FEZ1: variants seen among roughly 807,000 people sequenced by gnomAD.
The protein encoded by FEZ1 is fasciculation and elongation protein zeta 1.
A neutral mutation model predicts 49.3 loss-of-function variants in FEZ1; 20 were observed. That is an observed-to-expected ratio of 0.41 (90% CI 0.29 to 0.59). The LOEUF is 0.59. FEZ1 is among the 20% of genes least tolerant of loss of function. The pLI, the probability that FEZ1 is intolerant of heterozygous loss-of-function variation, is 0.36. For missense variants in FEZ1, 413 were observed against 476.0 expected (o/e 0.87, Z 1.23); for synonymous variants, 170 against 180.9 (o/e 0.94, Z 0.48).
At chr11:125,446,371 T>G (rs1956899196) in intron 9 of FEZ1, among the ~76,000 whole-genome samples, 1 of 152,234 alleles carries the variant, frequency 6.6e-6, no homozygotes, top group African/African-American at 2.4e-5. Context: ...TAACTTCACC[T>G]TTCCATGCTT....
At chr11:125,473,801 A>G (rs1327952460) in intron 3 of FEZ1, among the ~76,000 whole-genome samples, 3 of 147,234 alleles carry the variant, frequency 2.0e-5, no homozygotes, top group Non-Finnish European at 4.5e-5. Context: ...CCTGGGCAAC[A>G]GAGCAAGACT....
Position 125,495,294 on chromosome 11 carries a change from C to A in FEZ1, c.-46+827G>T, listed in dbSNP as rs1404086461. On this transcript the variant is annotated intron_variant, in intron 1 of 9. Coordinates refer to ENST00000278919, the MANE Select transcript of FEZ1 (RefSeq NM_005103.5). This position sits in a 1 kb window ranked among gnomAD's most constrained non-coding sequence, Gnocchi z 4.2. The stretch of plus-strand genomic sequence containing the variant: ...ACACTCCACTGCCCTTCCGGCCAAA[C>A]AAGCCCGGACACGGGAGAGGGATGA... 1 of 446,272 alleles carries A rather than the reference C, an allele frequency of 2.2e-6. No individual in the cohort carries two copies. Among genetic ancestry groups the A allele is most frequent in the Admixed American group, 2.5e-5 (1 of 40,452 alleles). 27.6% of individuals were successfully genotyped at this position (446,272 alleles called of 1,614,324 possible). A position where few individuals can be genotyped will look rare whatever the true frequency, so the allele number is the denominator to read the frequency against.
At chr11:125,459,138 A>C (rs1288317091) in intron 5 of FEZ1, among the ~76,000 whole-genome samples, 7 of 152,062 alleles carry the variant, frequency 4.6e-5, no homozygotes, top group African/African-American at 1.7e-4. Flanking sequence ...GAGGGGCCTA[A>C]CTCCCTTCCG....
At chr11:125,483,294 T>C (rs1207063433) in intron 2 of FEZ1, among the ~76,000 whole-genome samples, 1 of 152,172 alleles carries the variant, frequency 6.6e-6, no homozygotes, top group Non-Finnish European at 1.5e-5. Flanking sequence ...ATGCATATAA[T>C]TGGTGATGGA....
At chr11:125,464,263 T>A (rs1294780325) in intron 3 of FEZ1, among the ~76,000 whole-genome samples, 1 of 152,200 alleles carries the variant, frequency 6.6e-6, no homozygotes, top group African/African-American at 2.4e-5. Context: ...TTCACAGCCA[T>A]CAAAATTCTA....
intron 5 of FEZ1, among the ~76,000 whole-genome samples, chr11:125,457,403 TAAAAAA>T (rs141594971): frequency 5.4e-4 from 19 of 35,114 alleles, no homozygotes; most frequent in African/African-American, 8.0e-4. Flanking sequence ...GTTTCTACTT[TAAAAAA>T]AAAAAAAAAA....
In FEZ1 at chr11:125,481,046, GAA is replaced by G. The variant is rs201026269; in HGVS notation, c.411+486_411+487del. Among the ~76,000 whole-genome samples, 9 of 118,156 alleles carry G rather than the reference GAA, an allele frequency of 7.6e-5. 1 individual carries two copies. Among genetic ancestry groups the G allele is most frequent in the South Asian group, 5.9e-4 (2 of 3,398 alleles). 77.5% of individuals were successfully genotyped at this position (118,156 alleles called of 152,430 possible). On this transcript the variant is annotated intron_variant, in intron 3 of 9. Transcript: ENST00000278919. ...AGAGCGAGATTCCATCTCAAAAAAA[GAA>G]AAAAAAAAAAAGGAAAGTAATGGCA... is the stretch of plus-strand genomic sequence containing the variant.
intron 3 of FEZ1, among the ~76,000 whole-genome samples, chr11:125,477,772 C>T (rs1350773487): frequency 6.6e-6 from 1 of 152,068 alleles, no homozygotes; most frequent in Non-Finnish European, 1.5e-5. Context: ...GCCTGGCTCT[C>T]CCCTGGCTCC....
rs1362309995 is a variant in FEZ1, at chr11:125,476,259, A to G, written c.411+5275T>C. On this transcript the variant is annotated intron_variant, in intron 3 of 9. Transcript: ENST00000278919. ...TTGCTCACTTTAATATGTGCAGCTC[A>G]TTATATGCCAATTACCTTTCAATTA... Among the ~76,000 whole-genome samples the G allele has an allele frequency of 2.0e-5, 3 of 152,248 alleles. No individual in the cohort carries two copies. In the South Asian group the frequency reaches 6.2e-4, roughly 31 times the overall value.
intron 2 of FEZ1, among the ~76,000 whole-genome samples, chr11:125,482,144 A>T (rs1352149537): frequency 1.3e-5 from 2 of 152,200 alleles, no homozygotes; most frequent in African/African-American, 2.4e-5. Flanking sequence ...TAACCGTTTC[A>T]GTTTCAGAGG....
At chr11:125,457,429 A>AAAAAAATAT (rs1164500309) in intron 5 of FEZ1, among the ~76,000 whole-genome samples, 2 of 20,916 alleles carry the variant, frequency 9.6e-5, no homozygotes, top group Non-Finnish European at 1.6e-4. Context: ...AAAAAAAAAA[A>AAAAAAATAT]ATATATATAT....
Position 125,489,185 on chromosome 11 carries a change from AGATAGACAGACCCT to A in FEZ1, c.311+268_311+281del. The A allele has an allele frequency of 9.1e-7, 1 of 1,094,578 alleles. No homozygotes were observed. The highest frequency in any genetic ancestry group is 5.1e-5 in the Admixed American group (1 of 19,722). The allele number at this position is 1,094,578 out of a possible 1,614,324, so 67.8% of individuals were successfully genotyped here. A position where few individuals can be genotyped will look rare whatever the true frequency, so the allele number is the denominator to read the frequency against. On this transcript the variant is annotated intron_variant, in intron 2 of 9. Transcript: ENST00000278919. The surrounding 1 kb of genome is among the most constrained non-coding windows in gnomAD (Gnocchi z 4.2). ...TTTCCACTGATATAAAGAAAGCTTAAGATAGACAGACCCTGAAATTTACTGTGCTCCTGAAATTC... is the reference window on the plus strand; with the variant it reads ...TTTCCACTGATATAAAGAAAGCTTAAGAAATTTACTGTGCTCCTGAAATTC...
intron 2 of FEZ1, among the ~76,000 whole-genome samples, chr11:125,484,759 T>C (rs1758316534): frequency 6.6e-6 from 1 of 151,918 alleles, no homozygotes; most frequent in Non-Finnish European, 1.5e-5. Context: ...TGTGTTTTCA[T>C]GGATCTACAG....
Position 125,463,494 on chromosome 11 carries a change from G to A in FEZ1, c.488C>T (p.Thr163Ile). 2 of 1,593,010 alleles carry A rather than the reference G, an allele frequency of 1.3e-6. No homozygotes were observed. Among genetic ancestry groups the A allele is most frequent in the South Asian group, 2.2e-5 (2 of 90,654 alleles). Residue 163 changes from threonine (T) to isoleucine (I), a missense_variant, in exon 4 of 10, where the codon ACA becomes ATA. By Grantham distance (89) the Thr-to-Ile change is moderately conservative. Transcript: ENST00000278919. ...DSGINEEPLLTADQVIEEIEE... is the reference protein window; with the variant it reads ...DSGINEEPLLIADQVIEEIEE... Reference sequence around the variant, plus strand: ...GAGAGATACTTATACCTGATCTGCTGTGAGCAGAGGCTCCTCGTTGATACC... The same window carrying A: ...GAGAGATACTTATACCTGATCTGCTATGAGCAGAGGCTCCTCGTTGATACC...
chr11:125,452,433 G>A (rs1956966433), intron 7 of FEZ1, 24 bp from the exon 8 acceptor site: 1 of 1,537,662 alleles, frequency 6.5e-7, no homozygotes, highest in African/African-American at 1.4e-5. Flanking sequence ...AGCATGCAGG[G>A]GGCTTGAGAC....
intron 3 of FEZ1, among the ~76,000 whole-genome samples, chr11:125,472,584 A>T (rs57841868): frequency 0.015 from 2,354 of 152,232 alleles, 53 homozygotes; most frequent in African/African-American, 0.05. Flanking sequence ...AAAATCTTCC[A>T]CAGAGAAAAC....
At chr11:125,459,865 G>A (rs189771000) in intron 5 of FEZ1, among the ~76,000 whole-genome samples, 241 of 152,346 alleles carry the variant, frequency 1.6e-3, no homozygotes, top group African/African-American at 5.5e-3. Flanking sequence ...GGGAGGCTGA[G>A]GCAGGCAGAT....
rs552671199 is a variant in FEZ1 at position 125,470,013 on chromosome 11, C to T, written c.412-6443G>A. On this transcript the variant is annotated intron_variant, in intron 3 of 9. Coordinates refer to ENST00000278919, the MANE Select transcript of FEZ1 (RefSeq NM_005103.5). ...TATAGGAGTAAACCACCATGCCTGG[C>T]CATAAAGCCTCACTTTTAAATATGA... Among the ~76,000 whole-genome samples, 21 of 152,066 alleles carry T rather than the reference C, an allele frequency of 1.4e-4. 1 individual carries two copies. Among genetic ancestry groups the T allele is most frequent in the Non-Finnish European group, 2.6e-4 (18 of 68,004 alleles).
chr11:125,493,409 A>AGAAAGAAAGAAAGAAAGAAG (rs1957409935), intron 1 of FEZ1, among the ~76,000 whole-genome samples: 12 of 68,350 alleles, frequency 1.8e-4, no homozygotes, highest in Non-Finnish European at 2.7e-4. Flanking sequence ...AAAGAAAGAA[A>AGAAAGAAAGAAAGAAAGAAG]GAAAGAAAGA....
Sources: gnomAD v4.1 joint callset for allele counts (sites outside exome capture counted in the v4.1 genomes callset) on GRCh38, gnomAD v4.1.1 for gene constraint, Gnocchi (gnomAD v3.1) non-coding constraint, MANE v1.5 for transcripts, NCBI Gene and HGNC (gene_info 2026-07-23, HGNC 2026-07-21) for gene names.